The following RHEX variants were observed in gnomAD, a reference collection of about 807,000 sequenced individuals.
RHEX encodes the protein regulator of hemoglobinization and erythroid cell expansion protein.
RHEX carries 18 observed loss-of-function variants against 20.1 expected under a neutral mutation model. The observed-to-expected ratio is 0.90, with a 90% CI of 0.62 to 1.33. RHEX has a LOEUF of 1.33. Among genes scored for constraint, RHEX ranks in the 40% most tolerant of loss-of-function variants. RHEX has a pLI of 0.00. For missense variants in RHEX, 192 were observed against 214.3 expected (o/e 0.90, Z 0.65); for synonymous variants, 87 against 77.1 (o/e 1.13, Z -0.67).
intron 1 of RHEX, among the ~76,000 whole-genome samples, chr1:206,077,298 C>A (rs559978446): frequency 2.6e-5 from 4 of 152,158 alleles, no homozygotes; most frequent in Admixed American, 1.3e-4. Flanking sequence ...AAATATATAC[C>A]TTCAGAGTCT....
chr1:206,083,638 C>T, intron 1 of RHEX: 3 of 985,250 alleles, frequency 3.0e-6, no homozygotes, highest in Non-Finnish European at 3.6e-6. Flanking sequence ...AAACTGTGCT[C>T]ATAGTCCTAA....
At chr1:206,083,443 TC>T in intron 1 of RHEX, 1 of 954,158 alleles carries the variant, frequency 1.0e-6, no homozygotes, top group Non-Finnish European at 1.2e-6. Context: ...GCATTATCTC[TC>T]CCTTCACCCT....
At chr1:206,066,306 C>T (rs1553284154) in intron 1 of RHEX, among the ~76,000 whole-genome samples, 1 of 152,210 alleles carries the variant, frequency 6.6e-6, no homozygotes, top group African/African-American at 2.4e-5. Context: ...AAAAGGAGAA[C>T]TCTCTTTCTT....
At chr1:206,086,612 C>T (rs1191667952) in intron 1 of RHEX, among the ~76,000 whole-genome samples, 2 of 152,212 alleles carry the variant, frequency 1.3e-5, no homozygotes, top group Non-Finnish European at 2.9e-5. Flanking sequence ...ACAATAGTAT[C>T]TACCTCATAA....
chr1:206,071,036 C>T (rs943223706), intron 1 of RHEX, among the ~76,000 whole-genome samples: 1 of 152,264 alleles, frequency 6.6e-6, no homozygotes, highest in South Asian at 2.1e-4. Flanking sequence ...CACACGATCA[C>T]AAGGTGAAGT....
At chr1:206,065,603 T>C (rs1662407022) in intron 1 of RHEX, among the ~76,000 whole-genome samples, 3 of 152,172 alleles carry the variant, frequency 2.0e-5, no homozygotes. Flanking sequence ...TCTTCTTTCA[T>C]CTTCTCCCAT....
chr1:206,090,341 G>A (rs1032400060), intron 1 of RHEX, among the ~76,000 whole-genome samples: 10 of 151,564 alleles, frequency 6.6e-5, no homozygotes, highest in African/African-American at 2.4e-4. Context: ...GAGTTGTTGG[G>A]ATTACAGGTG....
At chr1:206,096,780 G>GTT (rs1663079198) in intron 1 of RHEX, among the ~76,000 whole-genome samples, 105 of 73,060 alleles carry the variant, frequency 1.4e-3, no homozygotes, top group African/African-American at 6.8e-3. Context: ...TTTTTTTTTT[G>GTT]GTTTTTTTTT....
intron 1 of RHEX, among the ~76,000 whole-genome samples, chr1:206,056,916 G>A (rs1553282673): frequency 1.3e-5 from 2 of 152,262 alleles, no homozygotes; most frequent in Non-Finnish European, 2.9e-5. Flanking sequence ...AAAAGATAGT[G>A]TTTGGTTCCA....
intron 1 of RHEX, among the ~76,000 whole-genome samples, chr1:206,066,886 G>A (rs1662433334): frequency 6.6e-6 from 1 of 152,196 alleles, no homozygotes; most frequent in Non-Finnish European, 1.5e-5. Flanking sequence ...TATGTCAAAA[G>A]GTGAAACATA....
intron 1 of RHEX, among the ~76,000 whole-genome samples, chr1:206,087,342 C>T (rs1553286495): frequency 6.6e-6 from 1 of 152,234 alleles, no homozygotes; most frequent in Non-Finnish European, 1.5e-5. Context: ...CTCCTTCCAT[C>T]CATCTGTTGC....
chr1:206,077,413 T>C (rs1662654725), intron 1 of RHEX, among the ~76,000 whole-genome samples: 1 of 152,212 alleles, frequency 6.6e-6, no homozygotes, highest in South Asian at 2.1e-4. Flanking sequence ...TGGTTCTGAT[T>C]CAAGGTGACT....
intron 1 of RHEX, among the ~76,000 whole-genome samples, chr1:206,068,894 T>G (rs1662478947): frequency 6.6e-6 from 1 of 152,256 alleles, no homozygotes; most frequent in African/African-American, 2.4e-5. Context: ...AGAGCTGGTT[T>G]AAAGGGGTAC....
At chr1:206,080,928 G>A (rs547732170) in intron 1 of RHEX, among the ~76,000 whole-genome samples, 1 of 152,142 alleles carries the variant, frequency 6.6e-6, no homozygotes, top group Non-Finnish European at 1.5e-5. Flanking sequence ...TCAGCCTCCC[G>A]AGTAGCTGGG....
chr1:206,078,106 G>A (rs1662668721), intron 1 of RHEX, among the ~76,000 whole-genome samples: 1 of 152,132 alleles, frequency 6.6e-6, no homozygotes, highest in African/African-American at 2.4e-5. Flanking sequence ...AGTGAATTTC[G>A]TGTTCAGGCT....
chr1:206,090,190 T>C (rs553893111), intron 1 of RHEX, among the ~76,000 whole-genome samples: 1 of 150,430 alleles, frequency 6.6e-6, no homozygotes, highest in South Asian at 2.1e-4. Flanking sequence ...CACAATTCCT[T>C]TTCTTTTCTT....
chr1:206,069,146 C>A (rs1208445301), intron 1 of RHEX, among the ~76,000 whole-genome samples: 1 of 152,204 alleles, frequency 6.6e-6, no homozygotes, highest in Non-Finnish European at 1.5e-5. Flanking sequence ...AGTTTGCCAC[C>A]CTTACCCCCA....
chr1:206,076,140 A>G (rs149370589), intron 1 of RHEX, among the ~76,000 whole-genome samples: 231 of 151,732 alleles, frequency 1.5e-3, no homozygotes, highest in African/African-American at 4.7e-3. Context: ...ACAAAAAAAC[A>G]TGGATCACCA....
At chr1:206,063,547 A>G (rs2102307537) in intron 1 of RHEX, among the ~76,000 whole-genome samples, 1 of 152,300 alleles carries the variant, frequency 6.6e-6, no homozygotes, top group African/African-American at 2.4e-5. Flanking sequence ...GCGCGCCGCC[A>G]CGCCTGACTG....
Sources: allele counts gnomAD v4.1 joint callset (sites outside exome capture counted in the v4.1 genomes callset), GRCh38; gene constraint gnomAD v4.1.1; transcripts MANE v1.5; gene names NCBI Gene and HGNC (gene_info 2026-07-23, HGNC 2026-07-21).